CHCHD6: variants seen among roughly 807,000 people sequenced by gnomAD.
The protein encoded by CHCHD6 is MICOS complex subunit MIC25.
Under a neutral mutation model 32.3 loss-of-function variants are expected in CHCHD6, and 28 were observed. The ratio of observed to expected loss-of-function variants is 0.87; its 90% CI spans 0.64 to 1.19. CHCHD6 has a LOEUF of 1.19. Among genes scored for constraint, CHCHD6 ranks in the 50% most tolerant of loss-of-function variants. CHCHD6 has a pLI of 0.00. For missense variants in CHCHD6, 333 were observed against 307.0 expected (o/e 1.08, Z -0.63); for synonymous variants, 122 against 117.5 (o/e 1.04, Z -0.25).
chr3:126,959,607 C>T (rs2078831794), intron 7 of CHCHD6, among the ~76,000 whole-genome samples: 1 of 152,240 alleles, frequency 6.6e-6, no homozygotes, highest in African/African-American at 2.4e-5. Flanking sequence ...GGCAGCACTG[C>T]TTCTCTCTCC....
Position 126,858,306 on chromosome 3 carries a change from G to A in CHCHD6, c.495+5576G>A, listed in dbSNP as rs1329860504. Reference sequence around the variant, plus strand: ...GGGTCATGTGGTGGCAGGGGCGGGGGCGGGGGGGAGGGGTGGGTAAGGCTT... The same window carrying A: ...GGGTCATGTGGTGGCAGGGGCGGGGACGGGGGGGAGGGGTGGGTAAGGCTT... On this transcript the variant is annotated intron_variant, in intron 5 of 7. Coordinates refer to ENST00000290913, the MANE Select transcript of CHCHD6 (RefSeq NM_032343.3). Among the ~76,000 whole-genome samples the A allele has an allele frequency of 1.3e-4, 19 of 149,674 alleles. No homozygotes were observed. The East Asian group carries it at 3.6e-3, about 28-fold the overall frequency.
chr3:126,879,112 G>T (rs1454006298), intron 5 of CHCHD6, among the ~76,000 whole-genome samples: 2 of 152,212 alleles, frequency 1.3e-5, no homozygotes, highest in Non-Finnish European at 2.9e-5. Context: ...GATTCCAAAA[G>T]CATGTAGGAG....
chr3:126,864,810 C>T (rs1317083476), intron 5 of CHCHD6, among the ~76,000 whole-genome samples: 2 of 149,594 alleles, frequency 1.3e-5, no homozygotes, highest in Admixed American at 1.3e-4. Flanking sequence ...CCGTCACCTC[C>T]TCCTCCAGCA....
intron 4 of CHCHD6, among the ~76,000 whole-genome samples, chr3:126,816,760 T>C (rs555345342): frequency 6.6e-6 from 1 of 152,288 alleles, no homozygotes; most frequent in South Asian, 2.1e-4. Flanking sequence ...ATGTGAACAA[T>C]GTACAGGTTT....
chr3:126,820,181 C>G (rs554186344), intron 4 of CHCHD6, among the ~76,000 whole-genome samples: 1 of 152,358 alleles, frequency 6.6e-6, no homozygotes, highest in East Asian at 1.9e-4. Context: ...TTTGGCCTCT[C>G]TGGCCACAGT....
chr3:126,914,025 G>T (rs1021103544), intron 5 of CHCHD6, among the ~76,000 whole-genome samples: 1 of 152,214 alleles, frequency 6.6e-6, no homozygotes, highest in African/African-American at 2.4e-5. Flanking sequence ...AATTAAGTGT[G>T]TGCCTGTGGA....
intron 5 of CHCHD6, among the ~76,000 whole-genome samples, chr3:126,863,353 T>C (rs1296648565): frequency 1.9e-5 from 2 of 105,194 alleles, no homozygotes; most frequent in Non-Finnish European, 1.9e-5. Flanking sequence ...CTCCTCCTCC[T>C]CTACCATCAC....
At chr3:126,705,297 G>T (rs533188754) in intron 1 of CHCHD6, among the ~76,000 whole-genome samples, 1 of 152,202 alleles carries the variant, frequency 6.6e-6, no homozygotes, top group Non-Finnish European at 1.5e-5. Context: ...TGCGTTTACT[G>T]CTAGAGTGTA....
At position 126,748,548 on chromosome 3, in the gene CHCHD6, T is replaced by C. The variant is rs565245277; in HGVS notation, c.411+15326T>C. Among the ~76,000 whole-genome samples, 131 of 151,376 alleles carry C rather than the reference T, an allele frequency of 8.7e-4. 1 individual carries two copies. The highest frequency in any genetic ancestry group is 2.9e-3 in the African/African-American group (118 of 41,182). On this transcript the variant is annotated intron_variant, in intron 4 of 7. Coordinates refer to ENST00000290913, the MANE Select transcript of CHCHD6 (RefSeq NM_032343.3). ...AGGCGGAGGTGGCGGTGAGCCGAGA[T>C]TGTGCCACTGCACTCTAGCCTGGGC...
chr3:126,729,888 G>A (rs1403735779), intron 2 of CHCHD6, among the ~76,000 whole-genome samples: 2 of 152,198 alleles, frequency 1.3e-5, no homozygotes, highest in Non-Finnish European at 2.9e-5. Context: ...CTGACAGAGA[G>A]CTTTGGAAGG....
intron 4 of CHCHD6, among the ~76,000 whole-genome samples, chr3:126,770,136 T>G (rs999336435): frequency 2.4e-4 from 36 of 152,210 alleles, no homozygotes; most frequent in African/African-American, 8.4e-4. Flanking sequence ...TTGATTTGGC[T>G]CTTGGCTTGG....
chr3:126,804,296 C>G (rs1221399355), intron 4 of CHCHD6, among the ~76,000 whole-genome samples: 2 of 151,746 alleles, frequency 1.3e-5, no homozygotes, highest in Non-Finnish European at 2.9e-5. Context: ...AAAGGATCAA[C>G]AAAATTGATA....
At chr3:126,721,646 T>C (rs1935299984) in intron 1 of CHCHD6, among the ~76,000 whole-genome samples, 2 of 152,260 alleles carry the variant, frequency 1.3e-5, no homozygotes, top group African/African-American at 4.8e-5. Flanking sequence ...TAGTTTTTAG[T>C]GTATTCACAG....
At chr3:126,891,974 A>G (rs2077766907) in intron 5 of CHCHD6, among the ~76,000 whole-genome samples, 1 of 152,194 alleles carries the variant, frequency 6.6e-6, no homozygotes, top group Non-Finnish European at 1.5e-5. Context: ...ACTGAGCTGG[A>G]GTGCCCAGGA....
At chr3:126,743,160 G>C (rs1180705299) in intron 4 of CHCHD6, among the ~76,000 whole-genome samples, 5 of 152,208 alleles carry the variant, frequency 3.3e-5, no homozygotes, top group Non-Finnish European at 7.3e-5. Context: ...GGACTGCTCA[G>C]ATTCAAGTGT....
chr3:126,849,008 T>C (rs1427678172), intron 4 of CHCHD6, among the ~76,000 whole-genome samples: 1 of 152,252 alleles, frequency 6.6e-6, no homozygotes, highest in African/African-American at 2.4e-5. Flanking sequence ...CTGAGGCCTG[T>C]CTCCACAGTG....
intron 5 of CHCHD6, among the ~76,000 whole-genome samples, chr3:126,863,716 A>T (rs1264011053): frequency 7.1e-5 from 10 of 141,340 alleles, no homozygotes; most frequent in Admixed American, 2.1e-4. Flanking sequence ...CTCCTCTACC[A>T]TCACCACGTC....
chr3:126,788,328 TG>T (rs1489732955), intron 4 of CHCHD6, among the ~76,000 whole-genome samples: 1 of 152,242 alleles, frequency 6.6e-6, no homozygotes, highest in African/African-American at 2.4e-5. Context: ...ATCAGGATGA[TG>T]CTGGCCTCAT....
At chr3:126,916,259 G>A (rs1173374540) in intron 6 of CHCHD6, among the ~76,000 whole-genome samples, 1 of 152,072 alleles carries the variant, frequency 6.6e-6, no homozygotes, top group Non-Finnish European at 1.5e-5. Flanking sequence ...AAATTAGCCG[G>A]ATGTGGTGGC....
Sources: allele counts gnomAD v4.1 joint callset (sites outside exome capture counted in the v4.1 genomes callset), GRCh38; gene constraint gnomAD v4.1.1; transcripts MANE v1.5; gene names NCBI Gene and HGNC (gene_info 2026-07-23, HGNC 2026-07-21).